The following ACSM1 variants were observed in gnomAD, a reference collection of about 807,000 sequenced individuals.
ACSM1 encodes acyl-CoA synthetase medium chain family member 1, also known as acyl-coenzyme A synthetase ACSM1, mitochondrial.
A neutral mutation model predicts 75.8 loss-of-function variants in ACSM1; 79 were observed. The ratio of observed to expected loss-of-function variants is 1.04; its 90% CI spans 0.87 to 1.26. The LOEUF is 1.26. ACSM1 is among the 50% of genes most tolerant of loss of function. The pLI is 0.00. For synonymous variants in ACSM1, 279 were observed against 265.8 expected, an observed-to-expected ratio of 1.05 and a Z score of -0.48; for missense variants, 676 against 720.1, an observed-to-expected ratio of 0.94 and a Z score of 0.70.
intron 7 of ACSM1, among the ~76,000 whole-genome samples, chr16:20,647,028 C>G (rs2018405332): frequency 6.6e-6 from 1 of 152,240 alleles, no homozygotes; most frequent in Non-Finnish European, 1.5e-5. Context: ...TGGACCCAAA[C>G]TGAAGGTTTG....
intron 7 of ACSM1, among the ~76,000 whole-genome samples, chr16:20,655,576 G>A (rs2018914740): frequency 1.3e-5 from 2 of 151,932 alleles, no homozygotes; most frequent in Admixed American, 1.3e-4. Context: ...TCTAGAGATG[G>A]GTCTTTAATA....
At chr16:20,624,337 G>A in intron 12 of ACSM1, 122 bp from the exon 13 acceptor site, 1 of 1,199,104 alleles carries the variant, frequency 8.3e-7, no homozygotes, top group Non-Finnish European at 1.1e-6. Context: ...TTTGGAAAAG[G>A]AGAGGACCAG....
rs2079682555 is a variant in ACSM1, at chr16:20,695,117, T to A, written c.-52+2519A>T. 2.6e-5 allele frequency among the ~76,000 whole-genome samples: 4 copies of A among 152,208 alleles called. No individual in the cohort carries two copies. In the South Asian group the frequency reaches 8.3e-4, roughly 31 times the overall value. On this transcript the variant is annotated intron_variant, in intron 1 of 13. Transcript: ENST00000520010. ...CTCACAAATGTGTTTGTGATTCTAATTTAATCTTCGTCACATGAGAGGGCC... is the reference window on the plus strand; with the variant it reads ...CTCACAAATGTGTTTGTGATTCTAAATTAATCTTCGTCACATGAGAGGGCC...
chr16:20,647,021 A>C (rs894674410), intron 7 of ACSM1, among the ~76,000 whole-genome samples: 1 of 152,224 alleles, frequency 6.6e-6, no homozygotes, highest in Non-Finnish European at 1.5e-5. Flanking sequence ...CATATAGTGG[A>C]CCCAAACTGA....
At chr16:20,685,490 C>G in intron 2 of ACSM1, 87 bp from the exon 3 acceptor site, 1 of 1,216,226 alleles carries the variant, frequency 8.2e-7, no homozygotes, top group Non-Finnish European at 1.2e-6. Flanking sequence ...AGTCACGTTC[C>G]AATGTGAACA....
intron 3 of ACSM1, 33 bp downstream of exon 3, chr16:20,685,160 C>A: frequency 6.2e-7 from 1 of 1,611,438 alleles, no homozygotes; most frequent in Non-Finnish European, 8.5e-7. Flanking sequence ...AGAACAGCCC[C>A]GAGGTCCACC....
chr16:20,649,236 G>C (rs777674541), intron 7 of ACSM1, among the ~76,000 whole-genome samples: 1 of 152,102 alleles, frequency 6.6e-6, no homozygotes, highest in South Asian at 2.1e-4. Context: ...GGTCTAGGGA[G>C]TCATGCCCTA....
chr16:20,690,144 G>C (rs1274757039), intron 2 of ACSM1, among the ~76,000 whole-genome samples: 1 of 152,178 alleles, frequency 6.6e-6, no homozygotes, highest in Non-Finnish European at 1.5e-5. Flanking sequence ...AGGCATGTAG[G>C]CTTTGGATAG....
At chr16:20,678,568 C>T (rs554414635) in intron 4 of ACSM1, among the ~76,000 whole-genome samples, 5 of 152,184 alleles carry the variant, frequency 3.3e-5, no homozygotes, top group Admixed American at 1.3e-4. Flanking sequence ...CCTTCCTCAC[C>T]GGGACAGAGA....
Position 20,629,310 on chromosome 16 carries a change from T to C in ACSM1, c.1300-1994A>G, listed in dbSNP as rs748043369. Reference sequence around the variant, plus strand: ...ACAACATAAATGGAAGATGGAACCATACAGGAGTACAGTTTTTTTTTATAC... The same window carrying C: ...ACAACATAAATGGAAGATGGAACCACACAGGAGTACAGTTTTTTTTTATAC... On this transcript the variant is annotated intron_variant, in intron 10 of 13. Coordinates refer to ENST00000520010, the MANE Select transcript of ACSM1 (RefSeq NM_001318890.3). Among the ~76,000 whole-genome samples the C allele has an allele frequency of 2.0e-5, 3 of 152,354 alleles. No homozygotes were observed. In the East Asian group the frequency reaches 5.8e-4, roughly 29 times the overall value.
rs1429738623 is a variant in ACSM1, at chr16:20,668,697, G to A, written c.912+1130C>T. ...GGTGAAGGAAATTGCTTAGAAAGAA[G>A]AACAGTAAGGGCAGACCACTGGAGC... On this transcript the variant is annotated intron_variant, in intron 6 of 13. Coordinates refer to ENST00000520010, the MANE Select transcript of ACSM1 (RefSeq NM_001318890.3). Among the ~76,000 whole-genome samples, 4 of 152,160 alleles carry A rather than the reference G, an allele frequency of 2.6e-5. No individual in the cohort carries two copies. In the South Asian group the frequency reaches 6.2e-4, roughly 24 times the overall value.
chr16:20,633,125 C>T (rs1418263030), intron 10 of ACSM1, among the ~76,000 whole-genome samples: 1 of 152,174 alleles, frequency 6.6e-6, no homozygotes, highest in Non-Finnish European at 1.5e-5. Context: ...CCTGCTTTCA[C>T]CACTTCTATT....
chr16:20,628,352 G>A (rs2017120635), intron 10 of ACSM1, among the ~76,000 whole-genome samples: 1 of 152,050 alleles, frequency 6.6e-6, no homozygotes. Context: ...ATGTAGGTTT[G>A]TGCATTCCCC....
Position 20,682,370 on chromosome 16 carries a change from T to C in ACSM1, c.497A>G (p.Asp166Gly), listed in dbSNP as rs753553423. 2 of 1,614,102 alleles carry C rather than the reference T, an allele frequency of 1.2e-6. No homozygotes were observed. The highest frequency in any genetic ancestry group is 1.7e-5 in the Admixed American group (1 of 60,014). ...GGAGTCCACCTCTGAGGCAAGGGCA[T>C]CTATGGTCACAATGCCCTTGGCTTT... Reference protein sequence around the residue: ...LSKAKGIVTIDALASEVDSIA... With the variant: ...LSKAKGIVTIGALASEVDSIA... Residue 166 changes from aspartate to glycine, a missense_variant, in exon 4 of 14, where the codon GAT (aspartate) becomes GGT (glycine). By Grantham distance (94) the Asp-to-Gly change is moderately conservative. Transcript: ENST00000520010.
rs957984770 is a variant in ACSM1 at position 20,694,206 on chromosome 16, T to A, written c.-51-2967A>T. 5.3e-5 allele frequency among the ~76,000 whole-genome samples: 8 copies of A among 152,344 alleles called. No homozygotes were observed. The South Asian group carries it at 1.7e-3, about 32-fold the overall frequency. On this transcript the variant is annotated intron_variant, in intron 1 of 13. Coordinates refer to ENST00000520010, the MANE Select transcript of ACSM1 (RefSeq NM_001318890.3). ...TAAGTTGCTAGCCAATCGGGACAAA[T>A]ACAGAATGTGAGGTCCCGTTCCAGC... is the stretch of plus-strand genomic sequence containing the variant.
chr16:20,685,158 C>T lies in ACSM1; in HGVS notation c.403+35G>A, dbSNP rs781315439. ...CAGGACCCATTGGTTCTAGAACAGC[C>T]CCGAGGTCCACCAGGTCCCTCTTGC... On this transcript the variant is annotated intron_variant, in intron 3 of 13. Transcript: ENST00000520010. 54 of 1,611,988 alleles carry T rather than the reference C, an allele frequency of 3.3e-5. No homozygotes were observed. In the Admixed American group the frequency reaches 8.7e-4, roughly 26 times the overall value.
intron 7 of ACSM1, among the ~76,000 whole-genome samples, chr16:20,644,040 T>C (rs979480123): frequency 3.9e-5 from 6 of 152,218 alleles, no homozygotes; most frequent in South Asian, 4.1e-4. Context: ...GTCCTTTAGC[T>C]AGACCCAGAG....
intron 3 of ACSM1, among the ~76,000 whole-genome samples, chr16:20,683,595 T>C (rs151321893): frequency 4.7e-4 from 72 of 152,004 alleles, no homozygotes; most frequent in Middle Eastern, 3.4e-3. Flanking sequence ...TGTCCTTCCT[T>C]TGTTTCTAAT....
chr16:20,691,138 G>A lies in ACSM1; in HGVS notation c.51C>T (p.Phe17=), dbSNP rs2079646571. Residue 17 remains phenylalanine, a synonymous_variant, in exon 2 of 14, where the codon TTC becomes TTT. Coordinates refer to ENST00000520010, the MANE Select transcript of ACSM1 (RefSeq NM_001318890.3). ...GTGAAGGGGCAGGGTGGATGTTGTG[G>A]AAGGATTTGTGGATGCCCCAGAGGG... ...FRTLWGIHKS[F]HNIHPAPSQL... 6.2e-7 allele frequency: 1 copy of A among 1,612,706 alleles called. No homozygotes were observed. The highest frequency in any genetic ancestry group is 1.3e-5 in the African/African-American group (1 of 74,882).
Sources: allele counts gnomAD v4.1 joint callset (sites outside exome capture counted in the v4.1 genomes callset), GRCh38; gene constraint gnomAD v4.1.1; transcripts MANE v1.5; gene names NCBI Gene and HGNC (gene_info 2026-07-23, HGNC 2026-07-21).